The following USP9X variants were observed in gnomAD, a reference collection of about 807,000 sequenced individuals.
USP9X encodes the protein ubiquitin specific peptidase 9 X-linked, also known as ubiquitin carboxyl-terminal hydrolase 9X.
A neutral mutation model predicts 190.3 loss-of-function variants in USP9X; 7 were observed. The ratio of observed to expected loss-of-function variants is 0.04; its 90% CI spans 0.02 to 0.07. The LOEUF is 0.07. Among genes scored for constraint, USP9X ranks in the 10% least tolerant of loss-of-function variants. The pLI is 1.00. For missense variants in USP9X, 1,010 were observed against 1,916.9 expected, an observed-to-expected ratio of 0.53 and a Z score of 8.83; for synonymous variants, 645 against 659.5, an observed-to-expected ratio of 0.98 and a Z score of 0.34.
intron 1 of USP9X, among the ~76,000 whole-genome samples, chrX:41,110,620 T>A (rs1223248144): frequency 8.9e-6 from 1 of 112,025 alleles, no homozygotes; most frequent in African/African-American, 3.2e-5. Context: ...GTTCTAAGGA[T>A]TAACTTGCTT....
rs185398631 is a variant in USP9X, at chrX:41,216,491, C to G, written c.5924C>G (p.Thr1975Ser). The G allele has an allele frequency of 7.9e-5, 95 of 1,209,162 alleles. No homozygotes were observed. In the African/African-American group the frequency reaches 1.4e-3, roughly 18 times the overall value. ...LIRYISELAI[T>S]TRPHQIIMPS... ...AGATATATATCAGAGCTTGCTATCA[C>G]CACCAGACCTCATCAGATTATTATG... Residue 1975 changes from threonine (T) to serine (S), a missense_variant, in exon 35 of 45, where the codon ACC (threonine) becomes AGC (serine). Around this residue, in one of 11 missense-constraint regions of USP9X, gnomAD observed 31 missense variants for 27.2 expected, o/e 1.14. Coordinates refer to ENST00000378308, the MANE Select transcript of USP9X (RefSeq NM_001039591.3).
chrX:41,222,066 G>C (rs1453918571), intron 38 of USP9X, among the ~76,000 whole-genome samples: 4 of 111,749 alleles, frequency 3.6e-5, no homozygotes, highest in Non-Finnish European at 7.5e-5. Context: ...TGGGAAGAAA[G>C]GGGTGAGTTC....
chrX:41,227,380 G>A (rs1168220422), intron 41 of USP9X, among the ~76,000 whole-genome samples: 1 of 111,802 alleles, frequency 8.9e-6, no homozygotes, highest in Non-Finnish European at 1.9e-5. Context: ...TTTATATGTA[G>A]TGTTTCAGAT....
intron 1 of USP9X, among the ~76,000 whole-genome samples, chrX:41,104,697 T>C (rs913792189): frequency 9.0e-6 from 1 of 111,690 alleles, no homozygotes; most frequent in Non-Finnish European, 1.9e-5. Flanking sequence ...AAACACCTGC[T>C]CTTTACTGGG....
intron 2 of USP9X, among the ~76,000 whole-genome samples, chrX:41,128,602 C>G (rs1241467403): frequency 8.9e-6 from 1 of 111,956 alleles, no homozygotes; most frequent in South Asian, 3.7e-4. Context: ...CCTCTTACCA[C>G]TTGGATAGCA....
At chrX:41,145,646 G>A (rs888526640) in intron 11 of USP9X, among the ~76,000 whole-genome samples, 1 of 111,896 alleles carries the variant, frequency 8.9e-6, no homozygotes, top group Non-Finnish European at 1.9e-5. Context: ...GGGCACAGCT[G>A]GTTTCTGGGA....
At chrX:41,140,402 A>G (rs1208243963) in intron 6 of USP9X, among the ~76,000 whole-genome samples, 1 of 111,610 alleles carries the variant, frequency 9.0e-6, no homozygotes, top group African/African-American at 3.3e-5. Context: ...CATGTCTTCT[A>G]ATTCCTGTTC....
intron 23 of USP9X, 140 bp from the exon 24 acceptor site, chrX:41,186,377 T>A: frequency 3.0e-6 from 2 of 669,994 alleles, no homozygotes; most frequent in South Asian, 6.1e-5. Context: ...CAGTGCTTTT[T>A]GTGTAAGTTG....
intron 1 of USP9X, among the ~76,000 whole-genome samples, chrX:41,121,154 C>T (rs1227860157): frequency 9.0e-6 from 1 of 111,406 alleles, no homozygotes; most frequent in Non-Finnish European, 1.9e-5. Context: ...TGATTTTAAA[C>T]ATATTCCTCT....
chrX:41,132,450 CCCA>C (rs2062330021), intron 4 of USP9X, among the ~76,000 whole-genome samples: 1 of 108,813 alleles, frequency 9.2e-6, no homozygotes, highest in Non-Finnish European at 1.9e-5. Flanking sequence ...ATTACAGGCG[CCCA>C]CCACCATGCC....
At chrX:41,140,339 T>C (rs2062411296) in intron 6 of USP9X, among the ~76,000 whole-genome samples, 1 of 111,955 alleles carries the variant, frequency 8.9e-6, no homozygotes, top group Non-Finnish European at 1.9e-5. Flanking sequence ...TAAAAGACTT[T>C]ACAGTAATTA....
intron 15 of USP9X, among the ~76,000 whole-genome samples, chrX:41,163,176 A>T (rs1276188297): frequency 2.7e-5 from 3 of 111,335 alleles, no homozygotes; most frequent in African/African-American, 9.8e-5. Flanking sequence ...ACACAACCGG[A>T]AGGAGGACTA....
intron 6 of USP9X, among the ~76,000 whole-genome samples, chrX:41,138,813 G>A (rs1453957604): frequency 8.8e-6 from 1 of 113,134 alleles, no homozygotes; most frequent in Non-Finnish European, 1.9e-5. Context: ...TTTGAGAAAA[G>A]GAACTTGTAG....
intron 1 of USP9X, among the ~76,000 whole-genome samples, chrX:41,091,103 T>C (rs2061952145): frequency 1.8e-5 from 2 of 111,333 alleles, no homozygotes; most frequent in South Asian, 7.5e-4. Context: ...TCTAAAGTCT[T>C]TAGTGCTAGT....
At chrX:41,220,377 G>T (rs967532250) in intron 38 of USP9X, among the ~76,000 whole-genome samples, 17 of 111,876 alleles carry the variant, frequency 1.5e-4, no homozygotes, top group Admixed American at 3.8e-4. Context: ...AAATTTTCCT[G>T]CTGAAAACAA....
intron 32 of USP9X, among the ~76,000 whole-genome samples, chrX:41,209,383 T>C (rs1461847342): frequency 1.8e-5 from 2 of 111,237 alleles, no homozygotes; most frequent in Admixed American, 1.9e-4. Flanking sequence ...TTTTGATTTG[T>C]GTGATTGTTT....
At chrX:41,168,781 C>T (rs1256975542) in intron 18 of USP9X, among the ~76,000 whole-genome samples, 1 of 112,295 alleles carries the variant, frequency 8.9e-6, no homozygotes, top group Non-Finnish European at 1.9e-5. Flanking sequence ...TAGGCGTGAG[C>T]TACAGTGCCT....
intron 2 of USP9X, among the ~76,000 whole-genome samples, chrX:41,126,996 G>A (rs1425519456): frequency 1.8e-5 from 2 of 111,222 alleles, no homozygotes; most frequent in Non-Finnish European, 3.8e-5. Flanking sequence ...GACACCGTGG[G>A]ATGAACACTC....
Position 41,131,440 on chromosome X carries a change from T to G in USP9X, c.243-17T>G, listed in dbSNP as rs2062316131. 8 of 1,201,922 alleles carry G rather than the reference T, an allele frequency of 6.7e-6. No homozygotes were observed. Among genetic ancestry groups the G allele is most frequent in the Admixed American group, 2.2e-5 (1 of 45,600 alleles). On this transcript the variant is annotated splice_polypyrimidine_tract_variant and intron_variant, in intron 3 of 44. Transcript: ENST00000378308. The stretch of plus-strand genomic sequence containing the variant: ...TGTACAACCATTAAGCATGTTTTTG[T>G]TTGGTAAAACTTTTAGGCCTCGATG...
Sources: gnomAD v4.1 joint callset for allele counts (sites outside exome capture counted in the v4.1 genomes callset) on GRCh38, gnomAD v4.1.1 for gene constraint, gnomAD v4.1.1 regional missense constraint, MANE v1.5 for transcripts, NCBI Gene and HGNC (gene_info 2026-07-23, HGNC 2026-07-21) for gene names.